KDM4C: variants seen among roughly 807,000 people sequenced by gnomAD.
The protein encoded by KDM4C is lysine-specific demethylase 4C.
A neutral mutation model predicts 129.3 loss-of-function variants in KDM4C; 81 were observed. The observed-to-expected ratio is 0.63, with a 90% CI of 0.52 to 0.75. The LOEUF (loss-of-function observed/expected upper bound fraction) is 0.75. Among genes scored for constraint, KDM4C ranks in the 30% least tolerant of loss-of-function variants. The pLI, the probability that KDM4C is intolerant of heterozygous loss-of-function variation, is 0.00. For missense variants in KDM4C, 1,457 were observed against 1,304.0 expected (o/e 1.12, Z -1.81); for synonymous variants, 573 against 456.1 (o/e 1.26, Z -3.26).
In KDM4C at chr9:6,987,633, G is replaced by T. The variant is rs192464980; in HGVS notation, c.1677+967G>T. Among the ~76,000 whole-genome samples the T allele has an allele frequency of 5.1e-3, 770 of 152,240 alleles. 2 individuals carry two copies. Among genetic ancestry groups the T allele is most frequent in the Non-Finnish European group, 9.5e-3 (649 of 68,022 alleles). On this transcript the variant is annotated intron_variant, in intron 11 of 21. Coordinates refer to ENST00000381309, the MANE Select transcript of KDM4C (RefSeq NM_015061.6). ...TCCCTGAGTAGGAGCAAGGGAGGTT[G>T]TATAAGGACAGCAGCTTTGAATACC...
intron 1 of KDM4C, among the ~76,000 whole-genome samples, chr9:6,746,877 G>T (rs1040726179): frequency 9.9e-5 from 15 of 150,978 alleles, no homozygotes; most frequent in African/African-American, 3.6e-4. Flanking sequence ...GTGGTGGCGG[G>T]CACCTGTAGT....
chr9:6,976,666 A>T (rs1832977873), intron 8 of KDM4C, among the ~76,000 whole-genome samples: 1 of 152,246 alleles, frequency 6.6e-6, no homozygotes. Flanking sequence ...TGCCTCAAAG[A>T]TAATTAGCTG....
chr9:6,955,782 G>T (rs906980309), intron 8 of KDM4C, among the ~76,000 whole-genome samples: 1 of 152,190 alleles, frequency 6.6e-6, no homozygotes, highest in Admixed American at 6.5e-5. Flanking sequence ...GTATCAAAGT[G>T]TCTCAGAATT....
Position 7,049,086 on chromosome 9 carries a change from C to T in KDM4C, c.2316-6C>T, listed in dbSNP as rs1253920693. 6.2e-7 allele frequency: 1 copy of T among 1,601,598 alleles called. No individual in the cohort carries two copies. The highest frequency in any genetic ancestry group is 1.7e-5 in the Admixed American group (1 of 59,554). Reference sequence around the variant, plus strand: ...TTGTTTATGTTTAATGTCTCCTTTCCTGTAGGTGGGCCCATGTCATGTGCG... The same window carrying T: ...TTGTTTATGTTTAATGTCTCCTTTCTTGTAGGTGGGCCCATGTCATGTGCG... On this transcript the variant is annotated splice_region_variant and splice_polypyrimidine_tract_variant and intron_variant, in intron 16 of 21. Transcript: ENST00000381309.
In KDM4C at chr9:6,929,919, A is replaced by C. The variant is rs137888707; in HGVS notation, c.921+36687A>C. 1.4e-3 allele frequency among the ~76,000 whole-genome samples: 209 copies of C among 152,306 alleles called. 1 individual carries two copies. Among genetic ancestry groups the C allele is most frequent in the African/African-American group, 3.8e-3 (156 of 41,554 alleles). On this transcript the variant is annotated intron_variant, in intron 8 of 21. Coordinates refer to ENST00000381309, the MANE Select transcript of KDM4C (RefSeq NM_015061.6). ...ATTCTTTCTTTTATGGCTCATAAGA[A>C]GTCTCATTACTAAAATGTCATTAAT... is the stretch of plus-strand genomic sequence containing the variant.
intron 12 of KDM4C, among the ~76,000 whole-genome samples, chr9:7,000,192 G>T (rs573373094): frequency 6.6e-6 from 1 of 152,062 alleles, no homozygotes; most frequent in African/African-American, 2.4e-5. Flanking sequence ...AAATTCCACT[G>T]GAAGTCCCAG....
At chr9:6,917,419 C>T (rs1820521827) in intron 8 of KDM4C, among the ~76,000 whole-genome samples, 1 of 152,326 alleles carries the variant, frequency 6.6e-6, no homozygotes. Context: ...TCACTGGTTT[C>T]TATTGCATGA....
At chr9:6,840,841 A>G (rs1167591917) in intron 4 of KDM4C, among the ~76,000 whole-genome samples, 1 of 152,090 alleles carries the variant, frequency 6.6e-6, no homozygotes, top group Non-Finnish European at 1.5e-5. Flanking sequence ...TCTATGTGAG[A>G]TGGTGGTGCA....
At chr9:6,835,570 G>T (rs1279783467) in intron 4 of KDM4C, 1 of 1,037,194 alleles carries the variant, frequency 9.6e-7, no homozygotes, top group Non-Finnish European at 1.5e-6. Flanking sequence ...TCCTTCAAAT[G>T]CTTCTAGGCG....
chr9:6,930,826 C>T (rs1335144021), intron 8 of KDM4C, among the ~76,000 whole-genome samples: 1 of 151,616 alleles, frequency 6.6e-6, no homozygotes, highest in African/African-American at 2.4e-5. Flanking sequence ...AAGAGTAACA[C>T]CCCCTAATCT....
chr9:6,744,949 G>A (rs545992629), intron 1 of KDM4C, among the ~76,000 whole-genome samples: 13 of 152,232 alleles, frequency 8.5e-5, no homozygotes, highest in African/African-American at 3.1e-4. Context: ...ATATGGGATG[G>A]AGGTGCACGG....
intron 17 of KDM4C, among the ~76,000 whole-genome samples, chr9:7,085,747 C>T (rs183350691): frequency 3.9e-5 from 6 of 152,220 alleles, no homozygotes; most frequent in Admixed American, 3.3e-4. Context: ...TTATAGAAAA[C>T]GGAGCTCCCC....
At chr9:6,814,300 A>G (rs1215443241) in intron 3 of KDM4C, among the ~76,000 whole-genome samples, 1 of 152,130 alleles carries the variant, frequency 6.6e-6, no homozygotes, top group African/African-American at 2.4e-5. Context: ...ATAAATATGT[A>G]AAATTTCTTA....
intron 1 of KDM4C, among the ~76,000 whole-genome samples, chr9:6,735,350 T>C (rs1329481392): frequency 6.6e-6 from 1 of 152,220 alleles, no homozygotes. Context: ...AAAAAGGGCT[T>C]GTTGTTTCTT....
intron 8 of KDM4C, among the ~76,000 whole-genome samples, chr9:6,968,906 T>C (rs1463137720): frequency 6.6e-6 from 1 of 152,178 alleles, no homozygotes; most frequent in Non-Finnish European, 1.5e-5. Flanking sequence ...GGTTCTGGGA[T>C]ATTGGAATAT....
At chr9:7,103,263 A>C (rs998452810) in intron 17 of KDM4C, among the ~76,000 whole-genome samples, 2 of 152,226 alleles carry the variant, frequency 1.3e-5, no homozygotes, top group African/African-American at 4.8e-5. Flanking sequence ...TTAGGAAAGA[A>C]TGACCTGTCC....
intron 18 of KDM4C, among the ~76,000 whole-genome samples, chr9:7,117,969 G>A (rs1213847472): frequency 6.6e-6 from 1 of 152,174 alleles, no homozygotes; most frequent in Non-Finnish European, 1.5e-5. Flanking sequence ...TACGTAGCAA[G>A]CAGGTGGTAT....
At chr9:6,939,976 A>ACCTTCCTTCCTTCCTTCCTTCCTT (rs1186438155) in intron 8 of KDM4C, among the ~76,000 whole-genome samples, 94 of 93,518 alleles carry the variant, frequency 1.0e-3, no homozygotes, top group Admixed American at 1.6e-3. Context: ...CTACCTACCT[A>ACCTTCCTTCCTTCCTTCCTTCCTT]CCTTCCTTCC....
intron 5 of KDM4C, among the ~76,000 whole-genome samples, chr9:6,870,272 G>A (rs1842651758): frequency 6.6e-6 from 1 of 151,914 alleles, no homozygotes; most frequent in African/African-American, 2.4e-5. Context: ...TTGTAAGGGG[G>A]GTTTTTCCCT....
Sources: allele counts gnomAD v4.1 joint callset (sites outside exome capture counted in the v4.1 genomes callset), GRCh38; gene constraint gnomAD v4.1.1; transcripts MANE v1.5; gene names NCBI Gene and HGNC (gene_info 2026-07-23, HGNC 2026-07-21).